Variants in SESTD1 observed in about 807,000 individuals in gnomAD.
SESTD1 encodes SEC14 domain and spectrin repeat-containing protein 1.
A neutral mutation model predicts 101.7 loss-of-function variants in SESTD1; 43 were observed. The observed-to-expected ratio is 0.42, with a 90% CI of 0.33 to 0.55. SESTD1 has a LOEUF of 0.55. Among genes scored for constraint, SESTD1 ranks in the 20% least tolerant of loss-of-function variants. The pLI is 0.07. For synonymous variants in SESTD1, 283 were observed against 286.8 expected, an observed-to-expected ratio of 0.99 and a Z score of 0.13; for missense variants, 647 against 815.1, an observed-to-expected ratio of 0.79 and a Z score of 2.51.
At chr2:179,115,712 C>T (rs1490758548) in intron 15 of SESTD1, among the ~76,000 whole-genome samples, 1 of 152,078 alleles carries the variant, frequency 6.6e-6, no homozygotes, top group African/African-American at 2.4e-5. Flanking sequence ...TGTGCTGAAA[C>T]ATCATATCCT....
At chr2:179,195,571 T>C (rs545549489) in intron 1 of SESTD1, among the ~76,000 whole-genome samples, 1 of 152,328 alleles carries the variant, frequency 6.6e-6, no homozygotes, top group South Asian at 2.1e-4. Context: ...CCCACACTTA[T>C]TCAAACAAGC....
intron 4 of SESTD1, among the ~76,000 whole-genome samples, chr2:179,176,228 T>C (rs1226041305): frequency 1.3e-5 from 2 of 152,172 alleles, no homozygotes; most frequent in Non-Finnish European, 2.9e-5. Flanking sequence ...TTATTTTCAT[T>C]TACAAACCTA....
chr2:179,142,595 C>T (rs1299605465), intron 9 of SESTD1, among the ~76,000 whole-genome samples: 3 of 152,152 alleles, frequency 2.0e-5, no homozygotes, highest in Admixed American at 2.0e-4. Flanking sequence ...TTTTCCTCAA[C>T]AGAACTTGGG....
chr2:179,220,535 C>T (rs2046800536), intron 1 of SESTD1, among the ~76,000 whole-genome samples: 1 of 152,126 alleles, frequency 6.6e-6, no homozygotes, highest in African/African-American at 2.4e-5. Flanking sequence ...TAGATGAGCT[C>T]TCTACCTGTA....
chr2:179,111,639 T>TA (rs2044509528), intron 17 of SESTD1, among the ~76,000 whole-genome samples: 1 of 152,184 alleles, frequency 6.6e-6, no homozygotes, highest in South Asian at 2.1e-4. Flanking sequence ...TCATTTGAAT[T>TA]AAATATCCTC....
At position 179,124,571 on chromosome 2, in the gene SESTD1, T is replaced by A. The variant is rs780680620; in HGVS notation, c.973-13A>T. The stretch of plus-strand genomic sequence containing the variant: ...CTGCAAACCATTCCTGTAATCAAGA[T>A]GTTACAAAGTAAACTAAGGCTCAAA... On this transcript the variant is annotated splice_polypyrimidine_tract_variant and intron_variant, in intron 10 of 17. Coordinates refer to ENST00000428443, the MANE Select transcript of SESTD1 (RefSeq NM_178123.5). 3.7e-6 allele frequency: 6 copies of A among 1,602,072 alleles called. No homozygotes were observed. In the South Asian group the frequency reaches 4.4e-5, roughly 12 times the overall value.
chr2:179,166,253 A>G (rs1162715911), intron 5 of SESTD1, among the ~76,000 whole-genome samples: 2 of 152,166 alleles, frequency 1.3e-5, no homozygotes, highest in Admixed American at 6.6e-5. Context: ...AAATAAGAGG[A>G]ATAAGAGATT....
intron 5 of SESTD1, among the ~76,000 whole-genome samples, chr2:179,164,758 A>G (rs2045805588): frequency 6.6e-6 from 1 of 152,184 alleles, no homozygotes; most frequent in South Asian, 2.1e-4. Context: ...AGAAAGTATC[A>G]TGGGCAAGAA....
At chr2:179,173,484 T>C (rs1217508107) in intron 4 of SESTD1, among the ~76,000 whole-genome samples, 1 of 152,220 alleles carries the variant, frequency 6.6e-6, no homozygotes, top group Non-Finnish European at 1.5e-5. Flanking sequence ...ATAGAACACA[T>C]GCTATAAATA....
chr2:179,241,027 T>C (rs779629179), intron 1 of SESTD1, among the ~76,000 whole-genome samples: 9 of 150,434 alleles, frequency 6.0e-5, no homozygotes, highest in Non-Finnish European at 1.3e-4. Flanking sequence ...AAACAGAAAA[T>C]ATAAGTGAAC....
intron 9 of SESTD1, 69 bp downstream of exon 9, chr2:179,143,520 TTAA>T (rs2045325318): frequency 5.5e-5 from 75 of 1,371,326 alleles, no homozygotes; most frequent in Middle Eastern, 1.9e-4. Context: ...TATATAAGAC[TTAA>T]TAGTCAGTCA....
chr2:179,131,392 T>C (rs2045010132), intron 10 of SESTD1, among the ~76,000 whole-genome samples: 2 of 152,304 alleles, frequency 1.3e-5, no homozygotes, highest in South Asian at 4.1e-4. Context: ...CCTAATACTA[T>C]CCAACATAAT....
At chr2:179,192,895 C>T (rs1258738771) in intron 1 of SESTD1, among the ~76,000 whole-genome samples, 2 of 152,226 alleles carry the variant, frequency 1.3e-5, no homozygotes, top group Admixed American at 1.3e-4. Flanking sequence ...ACCATCACAA[C>T]ACAGAGCAGT....
intron 1 of SESTD1, among the ~76,000 whole-genome samples, chr2:179,252,957 T>G (rs1378348074): frequency 6.6e-6 from 1 of 152,160 alleles, no homozygotes; most frequent in Non-Finnish European, 1.5e-5. Context: ...CCCAGGAATC[T>G]GTTCTCCATC....
intron 2 of SESTD1, among the ~76,000 whole-genome samples, chr2:179,184,506 C>T (rs1200702735): frequency 6.6e-6 from 1 of 151,782 alleles, no homozygotes; most frequent in East Asian, 1.9e-4. Flanking sequence ...ACTTAGTAAT[C>T]AATCAATACG....
intron 5 of SESTD1, among the ~76,000 whole-genome samples, chr2:179,168,360 CTGTT>C (rs1205118104): frequency 2.0e-5 from 3 of 151,986 alleles, no homozygotes; most frequent in East Asian, 1.9e-4. Flanking sequence ...TGTTAATTGA[CTGTT>C]TATGTAATTA....
chr2:179,184,877 G>A (rs1000141624), intron 2 of SESTD1, among the ~76,000 whole-genome samples: 7 of 152,030 alleles, frequency 4.6e-5, no homozygotes, highest in Non-Finnish European at 2.9e-5. Flanking sequence ...CATTCCCTCA[G>A]CTTTCATTCA....
At position 179,149,334 on chromosome 2, in the gene SESTD1, T is replaced by C. The variant is rs2045467994; in HGVS notation, c.544A>G (p.Asn182Asp). ...TGCTGATTTCCTTTATCACTTCCAT[T>C]GTTAATCAAAGCAAGTTCATCTAAT... is the stretch of plus-strand genomic sequence containing the variant. Reference protein sequence around the residue: ...SLLDELALINNGSDKGNQQEK... With the variant: ...SLLDELALINDGSDKGNQQEK... Residue 182 changes from asparagine to aspartate, a missense_variant, in exon 7 of 18, where the codon AAT becomes GAT. Asn to Asp is a conservative substitution (Grantham distance 23, BLOSUM62 1). Around this residue, in one of 3 missense-constraint regions of SESTD1, gnomAD observed 168 missense variants for 235.1 expected, o/e 0.71. Coordinates refer to ENST00000428443, the MANE Select transcript of SESTD1 (RefSeq NM_178123.5). The C allele has an allele frequency of 6.2e-7, 1 of 1,610,944 alleles. No individual in the cohort carries two copies. The highest frequency in any genetic ancestry group is 1.1e-5 in the South Asian group (1 of 90,184).
Position 179,211,007 on chromosome 2 carries a change from C to G in SESTD1, c.-25-19141G>C, listed in dbSNP as rs2046644366. On this transcript the variant is annotated intron_variant, in intron 1 of 17. Transcript: ENST00000428443. ...AAAATCAATGCACAAAAATCAGTAG[C>G]ACTGCTACACACCAACAGCAACGAA... Among the ~76,000 whole-genome samples the G allele has an allele frequency of 1.5e-5, 2 of 132,488 alleles. 1 individual carries two copies. The highest frequency in any genetic ancestry group is 1.5e-4 in the Admixed American group (2 of 13,568). The allele number at this position is 132,488 out of a possible 152,430, so 86.9% of individuals were successfully genotyped here.
Sources: allele counts gnomAD v4.1 joint callset (sites outside exome capture counted in the v4.1 genomes callset), GRCh38; gene constraint gnomAD v4.1.1; regional missense constraint gnomAD v4.1.1; transcripts MANE v1.5; gene names NCBI Gene and HGNC (gene_info 2026-07-23, HGNC 2026-07-21).